Variants in ELP2 observed in about 807,000 individuals in gnomAD.
The protein encoded by ELP2 is elongator acetyltransferase complex subunit 2.
Under a neutral mutation model 119.2 loss-of-function variants are expected in ELP2, and 90 were observed. The ratio of observed to expected loss-of-function variants is 0.75; its 90% CI spans 0.64 to 0.90. The LOEUF is 0.90. Ranked by LOEUF, ELP2 falls within the 40% of genes least tolerant of loss-of-function variation. The pLI is 0.00. For synonymous variants in ELP2, 339 were observed against 331.0 expected (o/e 1.02, Z -0.26); for missense variants, 921 against 967.8 (o/e 0.95, Z 0.64).
At chr18:36,157,198 A>G (rs931940040) in intron 13 of ELP2, among the ~76,000 whole-genome samples, 23 of 152,218 alleles carry the variant, frequency 1.5e-4, no homozygotes, top group African/African-American at 5.5e-4. Context: ...CTTCTAAGAA[A>G]GATTTGAGCT....
intron 3 of ELP2, 164 bp downstream of exon 3, chr18:36,136,541 C>T: frequency 1.5e-6 from 1 of 655,654 alleles, no homozygotes; most frequent in Non-Finnish European, 2.8e-6. Context: ...CCATGCCTGG[C>T]TGATTTCTGT....
Position 36,167,222 on chromosome 18 carries a change from G to A in ELP2, c.2076G>A (p.Lys692=). Residue 692 remains lysine (K), a splice_region_variant and synonymous_variant, in exon 19 of 22, where the codon AAG becomes AAA. Coordinates refer to ENST00000358232, the MANE Select transcript of ELP2 (RefSeq NM_018255.4). ...TCTTCACTGGGAGTCGAGACAAAAA[G>A]GTAATTATTTAAAAATTTAATATTT... is the stretch of plus-strand genomic sequence containing the variant. ...KYFFTGSRDK[K]VVVWGECDST... is the part of the protein sequence containing the mutation. 2 of 1,577,852 alleles carry A rather than the reference G, an allele frequency of 1.3e-6. No individual in the cohort carries two copies. Among genetic ancestry groups the A allele is most frequent in the Non-Finnish European group, 1.7e-6 (2 of 1,160,510 alleles).
chr18:36,131,721 C>T (rs992511661), intron 1 of ELP2, among the ~76,000 whole-genome samples: 1 of 152,196 alleles, frequency 6.6e-6, no homozygotes, highest in Non-Finnish European at 1.5e-5. Flanking sequence ...TGATTATACT[C>T]ATGCTTTGAT....
At chr18:36,155,147 G>GGATTATAGGT in intron 12 of ELP2, 148 bp downstream of exon 12, 3 of 666,962 alleles carry the variant, frequency 4.5e-6, no homozygotes, top group Non-Finnish European at 7.9e-6. Flanking sequence ...CGAGTAGCTG[G>GGATTATAGGT]GATTATAGGT....
intron 9 of ELP2, 73 bp from the exon 10 acceptor site, chr18:36,145,875 T>G (rs1194979264): frequency 1.4e-5 from 18 of 1,259,872 alleles, no homozygotes; most frequent in Non-Finnish European, 1.9e-5. Context: ...CCATGTTGTT[T>G]GTTGTTTTTT....
Position 36,174,333 on chromosome 18 carries a change from A to G in ELP2, c.2325-152A>G, listed in dbSNP as rs1466778390. 3 of 741,944 alleles carry G rather than the reference A, an allele frequency of 4.0e-6. No homozygotes were observed. In the African/African-American group the frequency reaches 5.3e-5, roughly 13 times the overall value. 46.0% of individuals were successfully genotyped at this position (741,944 alleles called of 1,614,324 possible). A position where few individuals can be genotyped will look rare whatever the true frequency, so the allele number is the denominator to read the frequency against. ...TAGTCTTGCAGTTTTAAGTAAATATAGTAAAATATTTTCCAGGTTAAAATA... is the reference window on the plus strand; with the variant it reads ...TAGTCTTGCAGTTTTAAGTAAATATGGTAAAATATTTTCCAGGTTAAAATA... On this transcript the variant is annotated intron_variant, in intron 21 of 21. Transcript: ENST00000358232.
At chr18:36,171,973 G>A (rs1310249178) in intron 21 of ELP2, among the ~76,000 whole-genome samples, 3 of 152,186 alleles carry the variant, frequency 2.0e-5, no homozygotes, top group Non-Finnish European at 2.9e-5. Context: ...TCCTGTCTTG[G>A]CCTCCCAAAG....
chr18:36,131,421 C>T (rs1567968547), intron 1 of ELP2, among the ~76,000 whole-genome samples: 1 of 152,254 alleles, frequency 6.6e-6, no homozygotes. Context: ...GTCTCCTCAT[C>T]CAGCGCCGTG....
In ELP2 at chr18:36,169,640, G is replaced by A. The variant is rs547472882; in HGVS notation, c.2077-423G>A. ...TGACCTCAGGTGATCCACCCACCTCGGCCTCCCAGAATGCTGGGATTACAG... is the reference window on the plus strand; with the variant it reads ...TGACCTCAGGTGATCCACCCACCTCAGCCTCCCAGAATGCTGGGATTACAG... On this transcript the variant is annotated intron_variant, in intron 19 of 21. Coordinates refer to ENST00000358232, the MANE Select transcript of ELP2 (RefSeq NM_018255.4). 2.7e-3 allele frequency among the ~76,000 whole-genome samples: 417 copies of A among 152,124 alleles called. 2 individuals are homozygous for A. The highest frequency in any genetic ancestry group is 1.6e-3 in the Non-Finnish European group (108 of 67,986).
intron 10 of ELP2, 71 bp from the exon 11 acceptor site, chr18:36,146,179 G>A: frequency 6.3e-7 from 1 of 1,599,802 alleles, no homozygotes; most frequent in Non-Finnish European, 8.6e-7. Context: ...ACAGTCTCTG[G>A]AATCAGCGAT....
intron 13 of ELP2, among the ~76,000 whole-genome samples, chr18:36,157,882 G>C (rs186575295): frequency 6.6e-6 from 1 of 152,284 alleles, no homozygotes; most frequent in East Asian, 1.9e-4. Context: ...CTAGTTTCAG[G>C]ATCTCTTCAG....
rs569902169 is a variant in ELP2, at chr18:36,160,206, T to C, written c.1688+191T>C. The stretch of plus-strand genomic sequence containing the variant: ...TAACGTTTATTTTTATATTACTGTT[T>C]ATTATGTTCATTAGTTTTGTTTATT... On this transcript the variant is annotated intron_variant, in intron 16 of 21. Coordinates refer to ENST00000358232, the MANE Select transcript of ELP2 (RefSeq NM_018255.4). 1.1e-4 allele frequency among the ~76,000 whole-genome samples: 17 copies of C among 152,310 alleles called. No homozygotes were observed. The East Asian group carries it at 2.9e-3, about 26-fold the overall frequency.
chr18:36,172,338 C>T (rs80230112), intron 21 of ELP2, among the ~76,000 whole-genome samples: 1,532 of 152,248 alleles, frequency 0.01, 30 homozygotes, highest in African/African-American at 0.035. Flanking sequence ...TTTCAACCTT[C>T]GTATATCTGT....
At chr18:36,169,300 G>T (rs867204862) in intron 19 of ELP2, among the ~76,000 whole-genome samples, 1 of 151,946 alleles carries the variant, frequency 6.6e-6, no homozygotes, top group Non-Finnish European at 1.5e-5. Context: ...TTCATGAGGG[G>T]TATCATCTAG....
At chr18:36,137,019 A>T (rs1031611472) in intron 3 of ELP2, among the ~76,000 whole-genome samples, 1 of 404 alleles carries the variant, frequency 2.5e-3, no homozygotes, top group African/African-American at 3.1e-3. Context: ...AGACTTGTTA[A>T]AAAAAAAAAG....
chr18:36,131,300 A>G (rs1201471707), intron 1 of ELP2, among the ~76,000 whole-genome samples: 1 of 152,178 alleles, frequency 6.6e-6, no homozygotes, highest in Non-Finnish European at 1.5e-5. Context: ...TGCATTCTTG[A>G]ATGGCAAGAG....
rs1436216271 is a variant in ELP2 at position 36,180,142 on chromosome 18, T to G, written c.*5501T>G. 1 of 152,220 alleles carries G rather than the reference T, an allele frequency of 6.6e-6. No homozygotes were observed. Among genetic ancestry groups the G allele is most frequent in the African/African-American group, 2.4e-5 (1 of 41,456 alleles). 9.4% of individuals were successfully genotyped at this position (152,220 alleles called of 1,614,324 possible). On this transcript the variant is annotated 3_prime_UTR_variant, in exon 22 of 22. Transcript: ENST00000358232. The stretch of plus-strand genomic sequence containing the variant: ...TGTCTGACGTCCTTAGTATGAGGCT[T>G]TCACCTTCCAGGATGGCTGCTTGGC...
At chr18:36,142,452 A>G in intron 7 of ELP2, 105 bp downstream of exon 7, 2 of 945,062 alleles carry the variant, frequency 2.1e-6, no homozygotes, top group Middle Eastern at 2.1e-4. Context: ...TTTGTATGTT[A>G]TGTTTTTCTA....
chr18:36,131,944 T>C (rs968351962), intron 1 of ELP2, among the ~76,000 whole-genome samples: 2 of 147,916 alleles, frequency 1.4e-5, no homozygotes, highest in Non-Finnish European at 3.0e-5. Flanking sequence ...TTTTTTTTTT[T>C]TTTTTTTTTG....
Sources: gnomAD v4.1 joint callset for allele counts (sites outside exome capture counted in the v4.1 genomes callset) on GRCh38, gnomAD v4.1.1 for gene constraint, MANE v1.5 for transcripts, NCBI Gene and HGNC (gene_info 2026-07-23, HGNC 2026-07-21) for gene names.